The following OTUD7A variants were observed in gnomAD, a reference collection of about 807,000 sequenced individuals.
OTUD7A encodes OTU domain-containing protein 7A.
Under a neutral mutation model 65.7 loss-of-function variants are expected in OTUD7A, and 12 were observed. The observed-to-expected ratio is 0.18, with a 90% CI of 0.12 to 0.30. The LOEUF is 0.30. Ranked by LOEUF, OTUD7A falls within the 10% of genes least tolerant of loss-of-function variation. The pLI, the probability that OTUD7A is intolerant of heterozygous loss-of-function variation, is 1.00. For missense variants in OTUD7A, 1,148 were observed against 1,304.8 expected (o/e 0.88, Z 1.85); for synonymous variants, 641 against 586.3 (o/e 1.09, Z -1.35).
chr15:31,541,637 T>C (rs995645602), intron 5 of OTUD7A, among the ~76,000 whole-genome samples: 1 of 152,158 alleles, frequency 6.6e-6, no homozygotes, highest in African/African-American at 2.4e-5. Context: ...AAAGAAAGTG[T>C]AGTAAATCTC....
At chr15:31,660,871 G>A (rs1451167682) in intron 1 of OTUD7A, among the ~76,000 whole-genome samples, 1 of 152,250 alleles carries the variant, frequency 6.6e-6, no homozygotes, top group Non-Finnish European at 1.5e-5. Context: ...TAGGAACTGA[G>A]GAAGGCTCCA....
At chr15:31,870,229 G>C (rs1379096719) in intron 1 of OTUD7A, among the ~76,000 whole-genome samples, 1 of 148,722 alleles carries the variant, frequency 6.7e-6, no homozygotes, top group Admixed American at 6.7e-5. Flanking sequence ...CCCTGCCCGA[G>C]AGAGGCGCGC....
rs1047907722 is a variant in OTUD7A, at chr15:31,797,207, G to A, written c.-100+73300C>T. On this transcript the variant is annotated intron_variant, in intron 1 of 12. Coordinates refer to ENST00000307050, the MANE Select transcript of OTUD7A (RefSeq NM_001382637.1). Reference sequence around the variant, plus strand: ...TGGGAGCCCGCGCTGCCTCTGAGACGTGATTCTAAACTGCCAACCCTCCCC... The same window carrying A: ...TGGGAGCCCGCGCTGCCTCTGAGACATGATTCTAAACTGCCAACCCTCCCC... Among the ~76,000 whole-genome samples, 4 of 152,182 alleles carry A rather than the reference G, an allele frequency of 2.6e-5. No individual in the cohort carries two copies. In the East Asian group the frequency reaches 5.8e-4, roughly 22 times the overall value.
intron 8 of OTUD7A, among the ~76,000 whole-genome samples, chr15:31,504,713 G>T (rs1261913229): frequency 1.0e-5 from 1 of 97,370 alleles, no homozygotes. Flanking sequence ...GTGGGGCCAG[G>T]GCTGGCAAAT....
chr15:31,739,575 A>T (rs1233797574), intron 1 of OTUD7A, among the ~76,000 whole-genome samples: 4 of 152,194 alleles, frequency 2.6e-5, no homozygotes, highest in Non-Finnish European at 5.9e-5. Flanking sequence ...TTTAAAATGC[A>T]ATGCCCACAT....
At chr15:31,768,098 T>C in intron 1 of OTUD7A, 12 of 1,599,012 alleles carry the variant, frequency 7.5e-6, no homozygotes, top group Admixed American at 1.7e-5. Context: ...TTTAAAGTGT[T>C]GTCTGTGTTT....
chr15:31,579,352 C>G (rs1889301859), intron 3 of OTUD7A, among the ~76,000 whole-genome samples: 1 of 152,172 alleles, frequency 6.6e-6, no homozygotes, highest in Admixed American at 6.5e-5. Flanking sequence ...TTTGTCTTAT[C>G]CAAATTGCCA....
chr15:31,821,476 A>C (rs771397490), intron 1 of OTUD7A, among the ~76,000 whole-genome samples: 1 of 152,026 alleles, frequency 6.6e-6, no homozygotes, highest in Non-Finnish European at 1.5e-5. Context: ...GCTGAATAAT[A>C]ACACAATATA....
In OTUD7A at chr15:31,481,347, C is replaced by T. The variant is rs2041116416; in HGVS notation, c.*1947G>A. ...CACCTGAAGCAACACTTTCTGTGAT[C>T]CCACAGCTTTGGATGCCAAAGCAGC... On this transcript the variant is annotated 3_prime_UTR_variant, in exon 13 of 13. Coordinates refer to ENST00000307050, the MANE Select transcript of OTUD7A (RefSeq NM_001382637.1). The T allele has an allele frequency of 6.6e-6, 1 of 152,208 alleles. No homozygotes were observed. Among genetic ancestry groups the T allele is most frequent in the African/African-American group, 2.4e-5 (1 of 41,452 alleles). 9.4% of individuals were successfully genotyped at this position (152,208 alleles called of 1,614,324 possible). A position where few individuals can be genotyped will look rare whatever the true frequency, so the allele number is the denominator to read the frequency against.
intron 1 of OTUD7A, among the ~76,000 whole-genome samples, chr15:31,750,759 G>C (rs1894612553): frequency 6.6e-6 from 1 of 152,074 alleles, no homozygotes; most frequent in Non-Finnish European, 1.5e-5. Context: ...ATTATTATTT[G>C]TGTCAGGATA....
chr15:31,620,437 A>G (rs1890743030), intron 3 of OTUD7A, among the ~76,000 whole-genome samples: 1 of 151,932 alleles, frequency 6.6e-6, no homozygotes, highest in Non-Finnish European at 1.5e-5. Flanking sequence ...TATTGCCTCA[A>G]TTTCAGAGAC....
intron 8 of OTUD7A, among the ~76,000 whole-genome samples, chr15:31,504,332 C>CT (rs1274069105): frequency 6.6e-6 from 1 of 152,062 alleles, no homozygotes; most frequent in Non-Finnish European, 1.5e-5. Flanking sequence ...AGTGAGAAGG[C>CT]TGTCTGGATT....
chr15:31,581,137 C>A (rs954004515), intron 3 of OTUD7A, among the ~76,000 whole-genome samples: 28 of 152,218 alleles, frequency 1.8e-4, no homozygotes, highest in African/African-American at 6.8e-4. Flanking sequence ...TCCAGCAGGG[C>A]AGTCAAATCT....
At chr15:31,775,830 C>A (rs963337717) in intron 1 of OTUD7A, among the ~76,000 whole-genome samples, 1 of 152,140 alleles carries the variant, frequency 6.6e-6, no homozygotes, top group Non-Finnish European at 1.5e-5. Context: ...TCAGCTGAAC[C>A]TGGGGCTGGA....
chr15:31,805,197 C>T (rs1299593600), intron 1 of OTUD7A, among the ~76,000 whole-genome samples: 2 of 152,222 alleles, frequency 1.3e-5, no homozygotes, highest in Non-Finnish European at 2.9e-5. Context: ...ACTAAAGAGG[C>T]CCATCAGCCC....
chr15:31,691,564 T>C (rs75140129), intron 1 of OTUD7A, among the ~76,000 whole-genome samples: 25,903 of 150,814 alleles, frequency 0.17, 2,261 homozygotes, highest in East Asian at 0.25. Flanking sequence ...GACCCTCATC[T>C]CATCATATAC....
At chr15:31,506,734 T>C (rs749144088) in intron 8 of OTUD7A, among the ~76,000 whole-genome samples, 6 of 152,208 alleles carry the variant, frequency 3.9e-5, no homozygotes, top group Middle Eastern at 3.2e-3. Context: ...ATTTTTTTCT[T>C]GCCATGAGAG....
In OTUD7A at chr15:31,795,295, C is replaced by T. The variant is rs1895922874; in HGVS notation, c.-100+75212G>A. Among the ~76,000 whole-genome samples, 2 of 152,174 alleles carry T rather than the reference C, an allele frequency of 1.3e-5. 1 individual carries two copies. The highest frequency in any genetic ancestry group is 4.1e-4 in the South Asian group (2 of 4,828). On this transcript the variant is annotated intron_variant, in intron 1 of 12. Transcript: ENST00000307050. The stretch of plus-strand genomic sequence containing the variant: ...ATGATTGAGGCTTTCATCTACTAGG[C>T]CCTTGTCTTCGGGAAGGTTGAACAG...
rs147436392 is a variant in OTUD7A, at chr15:31,646,612, C to T, written c.151+8484G>A. On this transcript the variant is annotated intron_variant, in intron 3 of 12. Transcript: ENST00000307050. ...AGTAGCTGGGATTACAGGTATGCAC[C>T]ACCACGCCTGGCTAATTTTTGTATT... 4.3e-3 allele frequency among the ~76,000 whole-genome samples: 647 copies of T among 152,082 alleles called. 8 individuals carry two copies. The highest frequency in any genetic ancestry group is 0.015 in the African/African-American group (619 of 41,484).
Sources: allele counts gnomAD v4.1 joint callset (sites outside exome capture counted in the v4.1 genomes callset), GRCh38; gene constraint gnomAD v4.1.1; transcripts MANE v1.5; gene names NCBI Gene and HGNC (gene_info 2026-07-23, HGNC 2026-07-21).